Variants in ETV4 observed in about 807,000 individuals in gnomAD.
The protein encoded by ETV4 is ETS translocation variant 4.
ETV4 carries 42 observed loss-of-function variants against 65.9 expected under a neutral mutation model. The observed-to-expected ratio is 0.64, with a 90% CI of 0.50 to 0.82. ETV4 has a LOEUF of 0.82. Among genes scored for constraint, ETV4 ranks in the 40% least tolerant of loss-of-function variants. ETV4 has a pLI of 0.00. For missense variants in ETV4, 583 were observed against 630.3 expected, an observed-to-expected ratio of 0.92 and a Z score of 0.80; for synonymous variants, 238 against 260.0, an observed-to-expected ratio of 0.92 and a Z score of 0.81.
Position 43,545,681 on chromosome 17 carries a change from G to GGGGCTGCGTTCGCACACCGTCCAGGGA in ETV4, c.-51-40_-51-14dup. 2 of 1,433,496 alleles carry GGGGCTGCGTTCGCACACCGTCCAGGGA rather than the reference G, an allele frequency of 1.4e-6. No homozygotes were observed. The highest frequency in any genetic ancestry group is 1.9e-6 in the Non-Finnish European group (2 of 1,046,186). 88.8% of individuals were successfully genotyped at this position (1,433,496 alleles called of 1,614,324 possible). A position where few individuals can be genotyped will look rare whatever the true frequency, so the allele number is the denominator to read the frequency against. On this transcript the variant is annotated splice_polypyrimidine_tract_variant and intron_variant, in intron 1 of 12. Transcript: ENST00000319349. ...CGGGGGCCGAGACCTGGTGGGGGAG[G>GGGGCTGCGTTCGCACACCGTCCAGGGA]GGGCTGCGTTCGCACACCGTCCAGG... is the stretch of plus-strand genomic sequence containing the variant.
At chr17:43,535,522 G>A (rs1054376027) in intron 5 of ETV4, among the ~76,000 whole-genome samples, 3 of 151,974 alleles carry the variant, frequency 2.0e-5, no homozygotes, top group Non-Finnish European at 4.4e-5. Context: ...TGTGATCCAC[G>A]CGCCTCAGCC....
chr17:43,533,468 T>C, intron 6 of ETV4, 120 bp from the exon 7 acceptor site: 1 of 967,310 alleles, frequency 1.0e-6, no homozygotes, highest in South Asian at 1.7e-5. Context: ...TAGAGGGGGC[T>C]GAGAAGGGAA....
At chr17:43,536,522 T>C (rs922151189) in intron 4 of ETV4, 43 bp from the exon 5 acceptor site, 7 of 1,593,138 alleles carry the variant, frequency 4.4e-6, no homozygotes, top group Non-Finnish European at 4.3e-6. Context: ...GGAGCCCTGG[T>C]TGTCCCCTGG....
In ETV4 at chr17:43,532,801, T is replaced by G; in HGVS notation, c.684A>C (p.Glu228Asp). 1 of 1,614,032 alleles carries G rather than the reference T, an allele frequency of 6.2e-7. No homozygotes were observed. The highest frequency in any genetic ancestry group is 8.5e-7 in the Non-Finnish European group (1 of 1,180,008). ...CCTGTTCATACAGGGGATCATGGTA[T>G]TCTTGCTTAAAGCTCTGCTGGGGAT... ...PPYPQQSFKQ[E>D]YHDPLYEQAG... Residue 228 changes from glutamate (E) to aspartate (D), a missense_variant, in exon 8 of 13, where the codon GAA becomes GAC. Transcript: ENST00000319349.
At position 43,529,539 on chromosome 17, in the gene ETV4, G is replaced by A. The variant is rs776142667; in HGVS notation, c.1093C>T (p.Arg365Trp). 6 of 1,613,850 alleles carry A rather than the reference G, an allele frequency of 3.7e-6. No individual in the cohort carries two copies. Among genetic ancestry groups the A allele is most frequent in the South Asian group, 3.3e-5 (3 of 91,048 alleles). ...TNAHFIAWTG[R>W]GMEFKLIEPE... ...TCAATGAGCTTGAACTCCATTCCCC[G>A]GCCCGTCCAGGCAATGAAATGGGCA... Residue 365 changes from arginine (R) to tryptophan (W), a missense_variant, in exon 11 of 13, where the codon CGG (arginine) becomes TGG (tryptophan). Arg to Trp is a moderately radical substitution (Grantham distance 101, BLOSUM62 -3). Transcript: ENST00000319349.
In ETV4 at chr17:43,534,720, A is replaced by G. The variant is rs969629091; in HGVS notation, c.257-735T>C. Among the ~76,000 whole-genome samples, 3 of 151,958 alleles carry G rather than the reference A, an allele frequency of 2.0e-5. No homozygotes were observed. The South Asian group carries it at 6.2e-4, about 32-fold the overall frequency. On this transcript the variant is annotated intron_variant, in intron 5 of 12. Transcript: ENST00000319349. ...TTTGGGAGGCCGAGGCGGGCGGATC[A>G]CCTGAAGTCAGAAGTTCAAGACCAG...
At chr17:43,537,797 A>G (rs938824054) in intron 4 of ETV4, among the ~76,000 whole-genome samples, 1 of 152,092 alleles carries the variant, frequency 6.6e-6, no homozygotes. Context: ...GTTTGAGACC[A>G]GCCTGACCAG....
intron 4 of ETV4, chr17:43,544,361 GA>G (rs1393745426): frequency 6.5e-6 from 1 of 153,040 alleles, no homozygotes; most frequent in Non-Finnish European, 1.5e-5. Flanking sequence ...CGGGATGGAA[GA>G]GGGAGGAACA....
chr17:43,531,170 T>C (rs1434193897), intron 8 of ETV4, among the ~76,000 whole-genome samples: 1 of 152,028 alleles, frequency 6.6e-6, no homozygotes, highest in African/African-American at 2.4e-5. Context: ...CCTTGAACGG[T>C]TGTGGGCACC....
chr17:43,545,967 G>A (rs1971802844), intron 1 of ETV4: 6 of 351,366 alleles, frequency 1.7e-5, no homozygotes, highest in Non-Finnish European at 3.1e-5. Flanking sequence ...GTGTGTGTGT[G>A]TGTGTGTGTG....
In ETV4 at chr17:43,527,954, G is replaced by A. The variant is rs1449490492; in HGVS notation, c.*565C>T. ...CAGAAGAAAGGCAAAGGGTCCCTTG[G>A]AGCAGGAACCCATCCCTCTCTGCTT... On this transcript the variant is annotated 3_prime_UTR_variant, in exon 13 of 13. Coordinates refer to ENST00000319349, the MANE Select transcript of ETV4 (RefSeq NM_001079675.5). The A allele has an allele frequency of 4.3e-6, 1 of 233,406 alleles. No individual in the cohort carries two copies. Among genetic ancestry groups the A allele is most frequent in the Non-Finnish European group, 8.5e-6 (1 of 117,994 alleles). 14.5% of individuals were successfully genotyped at this position (233,406 alleles called of 1,614,324 possible). A position where few individuals can be genotyped will look rare whatever the true frequency, so the allele number is the denominator to read the frequency against.
intron 4 of ETV4, 32 bp from the exon 5 acceptor site, chr17:43,536,511 C>A (rs770432644): frequency 6.2e-7 from 1 of 1,611,188 alleles, no homozygotes. Context: ...GAGTTTGGGG[C>A]GGAGCCCTGG....
rs915905868 is a variant in ETV4, at chr17:43,532,859, T to C, written c.626A>G (p.Tyr209Cys). Reference protein sequence around the residue: ...GGGREPLPAPYQHQLSEPCPP... With the variant: ...GGGREPLPAPCQHQLSEPCPP... ...GCAGGGCTCCGACAGCTGGTGTTGG[T>C]AGGGGGCTGGGAGGGGTTCCCGGCC... The change falls in exon 8 of 13, where the codon TAC becomes TGC. Residue 209 changes from tyrosine (Y) to cysteine (C), a missense_variant. Physicochemically the swap from Tyr to Cys is radical, Grantham distance 194. Coordinates refer to ENST00000319349, the MANE Select transcript of ETV4 (RefSeq NM_001079675.5). 1.2e-6 allele frequency: 2 copies of C among 1,613,004 alleles called. No homozygotes were observed. Among genetic ancestry groups the C allele is most frequent in the Admixed American group, 3.3e-5 (2 of 59,940 alleles).
chr17:43,545,312 A>G lies in ETV4; in HGVS notation c.116T>C (p.Leu39Pro). The change falls in exon 3 of 13, where the codon CTC becomes CCC. Residue 39 changes from leucine to proline, a missense_variant. Coordinates refer to ENST00000319349, the MANE Select transcript of ETV4 (RefSeq NM_001079675.5). ...GGGCGGCAGGGAGCCCGGGTCCATGAGCTTCCCCAGCGGGCCGATCAGCGC... is the reference window on the plus strand; with the variant it reads ...GGGCGGCAGGGAGCCCGGGTCCATGGGCTTCCCCAGCGGGCCGATCAGCGC... ...REALIGPLGK[L>P]MDPGSLPPLD... is the part of the protein sequence containing the mutation. The G allele has an allele frequency of 6.2e-7, 1 of 1,609,582 alleles. No individual in the cohort carries two copies. Among genetic ancestry groups the G allele is most frequent in the African/African-American group, 1.3e-5 (1 of 74,664 alleles).
At chr17:43,541,927 C>G (rs574376668) in intron 4 of ETV4, among the ~76,000 whole-genome samples, 5 of 152,206 alleles carry the variant, frequency 3.3e-5, no homozygotes, top group African/African-American at 1.2e-4. Flanking sequence ...ACAGACATGC[C>G]GAGGCACCAG....
chr17:43,532,422 C>T (rs909711844), intron 8 of ETV4, among the ~76,000 whole-genome samples: 1 of 152,000 alleles, frequency 6.6e-6, no homozygotes, highest in Non-Finnish European at 1.5e-5. Flanking sequence ...TCGCTTGAAC[C>T]CGGTAGGCAG....
intron 4 of ETV4, among the ~76,000 whole-genome samples, chr17:43,540,839 C>T (rs182963955): frequency 8.7e-4 from 133 of 152,254 alleles, no homozygotes; most frequent in African/African-American, 3.1e-3. Context: ...ATTTCCCTCC[C>T]TCCTACTAGG....
Position 43,529,874 on chromosome 17 carries a change from C to G in ETV4, c.955+10G>C, listed in dbSNP as rs1017887280. On this transcript the variant is annotated intron_variant, in intron 10 of 12. Coordinates refer to ENST00000319349, the MANE Select transcript of ETV4 (RefSeq NM_001079675.5). ...ACCTTGACCCTCCCATCAACAGTCA[C>G]TTCTCTGACCTTCAAATTTCTCAGG... 1 of 1,614,150 alleles carries G rather than the reference C, an allele frequency of 6.2e-7. No homozygotes were observed. The highest frequency in any genetic ancestry group is 8.5e-7 in the Non-Finnish European group (1 of 1,180,010).
chr17:43,545,146 T>A, intron 3 of ETV4, 124 bp from the exon 4 acceptor site: 1 of 1,307,960 alleles, frequency 7.6e-7, no homozygotes, highest in Non-Finnish European at 1.1e-6. Flanking sequence ...CCAAAATCCC[T>A]TGGAGGGCGA....
Sources: gnomAD v4.1 joint callset for allele counts (sites outside exome capture counted in the v4.1 genomes callset) on GRCh38, gnomAD v4.1.1 for gene constraint, MANE v1.5 for transcripts, NCBI Gene and HGNC (gene_info 2026-07-23, HGNC 2026-07-21) for gene names.